DENND3: variants seen among roughly 807,000 people sequenced by gnomAD.
DENND3 encodes DENN domain-containing protein 3.
DENND3 carries 88 observed loss-of-function variants against 135.1 expected under a neutral mutation model. The observed-to-expected ratio is 0.65, with a 90% CI of 0.55 to 0.78. DENND3 has a LOEUF of 0.78. Among genes scored for constraint, DENND3 ranks in the 30% least tolerant of loss-of-function variants. The pLI, the probability that DENND3 is intolerant of heterozygous loss-of-function variation, is 0.00. For missense variants in DENND3, 1,392 were observed against 1,688.4 expected (o/e 0.82, Z 3.08); for synonymous variants, 693 against 712.3 (o/e 0.97, Z 0.43).
intron 4 of DENND3, among the ~76,000 whole-genome samples, chr8:141,143,279 T>A (rs1052431811): frequency 2.0e-5 from 3 of 152,262 alleles, no homozygotes; most frequent in Non-Finnish European, 4.4e-5. Context: ...TTTTAAATTT[T>A]TTTTTATTAT....
chr8:141,192,998 G>C, intron 22 of DENND3: 5 of 927,464 alleles, frequency 5.4e-6, no homozygotes, highest in Non-Finnish European at 7.3e-6. Context: ...CGGGGGGAGC[G>C]TGCACTCCAG....
chr8:141,136,215 A>G (rs1171697263), intron 1 of DENND3, among the ~76,000 whole-genome samples: 1 of 152,168 alleles, frequency 6.6e-6, no homozygotes, highest in Non-Finnish European at 1.5e-5. Flanking sequence ...AGGTCTGTGG[A>G]TCCCAGTCCG....
Position 141,138,002 on chromosome 8 carries a change from C to A in DENND3, c.386-20C>A. On this transcript the variant is annotated intron_variant, in intron 2 of 22. Transcript: ENST00000519811. The surrounding 1 kb of genome is among the most constrained non-coding windows in gnomAD (Gnocchi z 4.8). ...CACTTGGCAAGAACAGGATTCTTCTCTGTCTCTTTCTGCCTGCAGGGGGTG... is the reference window on the plus strand; with the variant it reads ...CACTTGGCAAGAACAGGATTCTTCTATGTCTCTTTCTGCCTGCAGGGGGTG... The A allele has an allele frequency of 6.4e-7, 1 of 1,573,660 alleles. No individual in the cohort carries two copies. The highest frequency in any genetic ancestry group is 8.6e-7 in the Non-Finnish European group (1 of 1,157,884).
intron 10 of DENND3, among the ~76,000 whole-genome samples, chr8:141,164,542 G>T (rs1362595182): frequency 6.6e-6 from 1 of 152,232 alleles, no homozygotes; most frequent in African/African-American, 2.4e-5. Flanking sequence ...CGCCTTGGCT[G>T]TTGGGAGCGT....
Position 141,168,957 on chromosome 8 carries a change from C to A in DENND3, c.2275+432C>A, listed in dbSNP as rs1418239824. ...CACTGCAACCTCTGCCTCCTGGGTT[C>A]AAGTGATTCTCCTGTCTTAACCTCC... On this transcript the variant is annotated intron_variant, in intron 13 of 22. Transcript: ENST00000519811. The surrounding 1 kb of genome is among the most constrained non-coding windows in gnomAD (Gnocchi z 6.2). Among the ~76,000 whole-genome samples the A allele has an allele frequency of 1.3e-5, 2 of 152,188 alleles. No homozygotes were observed. The highest frequency in any genetic ancestry group is 2.9e-5 in the Non-Finnish European group (2 of 68,036).
Position 141,192,589 on chromosome 8 carries a change from C to T in DENND3, c.3562C>T (p.Leu1188=). The part of the protein sequence containing the change: ...SEVYIWSLKD[L]AQPPQRVPLE... Reference sequence around the variant, plus strand: ...GGTTTACATCTGGAGCCTGAAGGACCTGGCCCAGCCCCCGCAGAGGGTGCC... The same window carrying T: ...GGTTTACATCTGGAGCCTGAAGGACTTGGCCCAGCCCCCGCAGAGGGTGCC... Residue 1188 remains leucine (L), a synonymous_variant, in exon 22 of 23, where the codon CTG becomes TTG. Transcript: ENST00000519811. 2 of 1,582,496 alleles carry T rather than the reference C, an allele frequency of 1.3e-6. No individual in the cohort carries two copies. Among genetic ancestry groups the T allele is most frequent in the Non-Finnish European group, 8.6e-7 (1 of 1,161,646 alleles).
intron 9 of DENND3, 117 bp from the exon 10 acceptor site, chr8:141,163,216 G>A: frequency 1.8e-6 from 1 of 568,992 alleles, no homozygotes; most frequent in Non-Finnish European, 3.2e-6. Flanking sequence ...TCTTTCTGAA[G>A]AACATGGCTT....
intron 16 of DENND3, among the ~76,000 whole-genome samples, chr8:141,180,255 T>G (rs762795497): frequency 6.6e-6 from 1 of 152,220 alleles, no homozygotes; most frequent in Non-Finnish European, 1.5e-5. Flanking sequence ...TGCTGGGCAT[T>G]CGCCCACAGC....
At chr8:141,171,802 T>TG (rs1372970196) in intron 13 of DENND3, among the ~76,000 whole-genome samples, 3 of 151,310 alleles carry the variant, frequency 2.0e-5, no homozygotes, top group African/African-American at 7.3e-5. Flanking sequence ...TGCACGGTGC[T>TG]GGGCGTGCAC....
Position 141,185,425 on chromosome 8 carries a change from G to A in DENND3, c.3084+147G>A, listed in dbSNP as rs185919481. Reference sequence around the variant, plus strand: ...AAACAGGGGGTCTTAACTTTCACCTGGAGTTTTCAAATTAAATGTAAGCTT... The same window carrying A: ...AAACAGGGGGTCTTAACTTTCACCTAGAGTTTTCAAATTAAATGTAAGCTT... On this transcript the variant is annotated intron_variant, in intron 18 of 22. Coordinates refer to ENST00000519811, the MANE Select transcript of DENND3 (RefSeq NM_001352890.3). The A allele has an allele frequency of 1.2e-5, 12 of 1,042,512 alleles. No individual in the cohort carries two copies. The Admixed American group carries it at 3.3e-4, about 29-fold the overall frequency. 64.6% of individuals were successfully genotyped at this position (1,042,512 alleles called of 1,614,324 possible). A position where few individuals can be genotyped will look rare whatever the true frequency, so the allele number is the denominator to read the frequency against.
rs753885136 is a variant in DENND3 at position 141,166,399 on chromosome 8, G to GC, written c.1753+16dup. The GC allele has an allele frequency of 2.9e-5, 47 of 1,607,708 alleles. No individual in the cohort carries two copies. In the Middle Eastern group the frequency reaches 5.0e-4, roughly 17 times the overall value. On this transcript the variant is annotated intron_variant, in intron 12 of 22. Transcript: ENST00000519811. This position sits in a 1 kb window ranked among gnomAD's most constrained non-coding sequence, Gnocchi z 4.3. ...AGGGGCAGCAGCGCAGGTGAGGGCT[G>GC]CCCCCCACTGTGGTGCTGTGTGTCG...
intron 17 of DENND3, 90 bp downstream of exon 17, chr8:141,180,944 G>A: frequency 9.9e-7 from 1 of 1,010,626 alleles, no homozygotes; most frequent in Non-Finnish European, 1.4e-6. Context: ...GAAGTGAAAG[G>A]GGAGCCAGTG....
Position 141,130,287 on chromosome 8 carries a change from CT to C in DENND3, c.102+1479del, listed in dbSNP as rs1432270479. ...GTCTCACTGTGTTGCCCAGACTCAT[CT>C]CCAATTCCTGAGCTCAAGTGATCCT... On this transcript the variant is annotated intron_variant, in intron 1 of 22. Coordinates refer to ENST00000519811, the MANE Select transcript of DENND3 (RefSeq NM_001352890.3). The surrounding 1 kb of genome is among the most constrained non-coding windows in gnomAD (Gnocchi z 4.2). Among the ~76,000 whole-genome samples the C allele has an allele frequency of 1.3e-5, 2 of 152,136 alleles. No individual in the cohort carries two copies. Among genetic ancestry groups the C allele is most frequent in the Non-Finnish European group, 2.9e-5 (2 of 68,030 alleles).
At position 141,192,646 on chromosome 8, in the gene DENND3, A is replaced by T. The variant is rs747954429; in HGVS notation, c.3619A>T (p.Ile1207Phe). Residue 1207 changes from isoleucine to phenylalanine, a missense_variant, in exon 22 of 23, where the codon ATC becomes TTC. Ile to Phe is a conservative substitution (Grantham distance 21). Transcript: ENST00000519811. The part of the protein sequence containing the change: ...LEDCSEINCM[I>F]RVKKQVWVGS... ...GGACTGCTCTGAGATCAACTGCATG[A>T]TCCGGGTGAAGAAGCAGGTAGGGTG... 2 of 1,606,470 alleles carry T rather than the reference A, an allele frequency of 1.2e-6. No individual in the cohort carries two copies. The highest frequency in any genetic ancestry group is 1.7e-5 in the Admixed American group (1 of 59,704).
intron 17 of DENND3, among the ~76,000 whole-genome samples, chr8:141,181,165 T>G (rs932989015): frequency 1.4e-4 from 21 of 152,116 alleles, no homozygotes; most frequent in African/African-American, 5.1e-4. Flanking sequence ...TCACGCTAGC[T>G]CTTTCTTTTT....
Position 141,194,423 on chromosome 8 carries a change from CT to C in DENND3, c.*191del, listed in dbSNP as rs1825144323. On this transcript the variant is annotated 3_prime_UTR_variant, in exon 23 of 23. Coordinates refer to ENST00000519811, the MANE Select transcript of DENND3 (RefSeq NM_001352890.3). Reference sequence around the variant, plus strand: ...ACCTTCTCTCAGGCCTTCGGGCCCCCTGGTTAAACTGCACCAAGGGTGTTTC... The same window carrying C: ...ACCTTCTCTCAGGCCTTCGGGCCCCCGGTTAAACTGCACCAAGGGTGTTTC... 3.3e-5 allele frequency: 21 copies of C among 634,472 alleles called. 1 individual carries two copies. The South Asian group carries it at 4.1e-4, about 12-fold the overall frequency. 39.3% of individuals were successfully genotyped at this position (634,472 alleles called of 1,614,324 possible).
intron 17 of DENND3, among the ~76,000 whole-genome samples, chr8:141,181,107 G>A (rs77518998): frequency 0.02 from 3,050 of 152,328 alleles, 116 homozygotes; most frequent in African/African-American, 0.069. Context: ...CAGCACTTGA[G>A]CTCCCGCCCC....
At chr8:141,178,356 G>T (rs1822664615) in intron 16 of DENND3, among the ~76,000 whole-genome samples, 160 bp downstream of exon 16, 1 of 152,174 alleles carries the variant, frequency 6.6e-6, no homozygotes, top group East Asian at 1.9e-4. Context: ...ACCTTATCCG[G>T]CATCTTTCCT....
chr8:141,165,234 A>C lies in DENND3; in HGVS notation c.1498A>C (p.Arg500=). The C allele has an allele frequency of 6.2e-7, 1 of 1,614,168 alleles. No individual in the cohort carries two copies. Among genetic ancestry groups the C allele is most frequent in the Non-Finnish European group, 8.5e-7 (1 of 1,180,018 alleles). ...TTCTTTTCTTAAAGCCCGGCTCAAT[A>C]GGAGGATGGACGCCTTTGCTCAGAT... The part of the protein sequence containing the change: ...FHSFLKARLN[R]RMDAFAQMDL... The change falls in exon 11 of 23, where the codon AGG becomes CGG. Residue 500 remains arginine (R), a synonymous_variant. Coordinates refer to ENST00000519811, the MANE Select transcript of DENND3 (RefSeq NM_001352890.3).
Sources: gnomAD v4.1 joint callset for allele counts (sites outside exome capture counted in the v4.1 genomes callset) on GRCh38, gnomAD v4.1.1 for gene constraint, Gnocchi (gnomAD v3.1) non-coding constraint, MANE v1.5 for transcripts, NCBI Gene and HGNC (gene_info 2026-07-23, HGNC 2026-07-21) for gene names.